The following MAN2A1 variants were observed in gnomAD, a reference collection of about 807,000 sequenced individuals.
The protein encoded by MAN2A1 is mannosidase alpha class 2A member 1, also known as alpha-mannosidase 2.
A neutral mutation model predicts 142.6 loss-of-function variants in MAN2A1; 76 were observed. The observed-to-expected ratio is 0.53, with a 90% CI of 0.44 to 0.65. The LOEUF (loss-of-function observed/expected upper bound fraction) is 0.65. Among genes scored for constraint, MAN2A1 ranks in the 30% least tolerant of loss-of-function variants. The pLI is 0.00. For synonymous variants in MAN2A1, 559 were observed against 473.2 expected (o/e 1.18, Z -2.35); for missense variants, 1,311 against 1,365.1 (o/e 0.96, Z 0.62).
chr5:109,690,885 C>A (rs539073382), intron 1 of MAN2A1, among the ~76,000 whole-genome samples: 5 of 152,070 alleles, frequency 3.3e-5, no homozygotes, highest in Non-Finnish European at 7.4e-5. Context: ...AGGCACCCCC[C>A]GCCAGCCCGG....
At chr5:109,701,454 G>C (rs557742635) in intron 1 of MAN2A1, among the ~76,000 whole-genome samples, 1 of 152,278 alleles carries the variant, frequency 6.6e-6, no homozygotes, top group South Asian at 2.1e-4. Context: ...GAGTTTGTCT[G>C]AAGAGTTATG....
intron 12 of MAN2A1, among the ~76,000 whole-genome samples, chr5:109,814,601 A>C (rs1490800471): frequency 1.3e-5 from 2 of 152,224 alleles, no homozygotes; most frequent in African/African-American, 4.8e-5. Context: ...GTCTTTGAAT[A>C]GATTCCTGGC....
At chr5:109,842,305 C>CAT in intron 16 of MAN2A1, 23 bp from the exon 17 acceptor site, 1 of 1,441,252 alleles carries the variant, frequency 6.9e-7, no homozygotes, top group South Asian at 1.3e-5. Context: ...TCTATTAATC[C>CAT]ATATATATTT....
chr5:109,794,303 A>G (rs529852766), intron 12 of MAN2A1: 2 of 152,256 alleles, frequency 1.3e-5, no homozygotes, highest in Non-Finnish European at 2.9e-5. Flanking sequence ...TGTGGAGGAG[A>G]TGGAAGTGTT....
intron 14 of MAN2A1, among the ~76,000 whole-genome samples, 164 bp downstream of exon 14, chr5:109,820,051 T>C (rs1406884946): frequency 1.3e-5 from 2 of 152,250 alleles, no homozygotes; most frequent in Admixed American, 6.5e-5. Flanking sequence ...GACCACTTGC[T>C]GCTCACATGT....
At chr5:109,828,091 C>A (rs1189987724) in intron 16 of MAN2A1, among the ~76,000 whole-genome samples, 1 of 144,102 alleles carries the variant, frequency 6.9e-6, no homozygotes, top group Middle Eastern at 3.3e-3. Context: ...GGCAACAGAG[C>A]GAGACTCTGT....
intron 8 of MAN2A1, among the ~76,000 whole-genome samples, chr5:109,778,632 T>C (rs1753361382): frequency 6.6e-6 from 1 of 152,098 alleles, no homozygotes; most frequent in Admixed American, 6.5e-5. Flanking sequence ...ATTGAACCAG[T>C]ACCCCAAGAT....
At chr5:109,730,101 G>A (rs1325252311) in intron 4 of MAN2A1, among the ~76,000 whole-genome samples, 1 of 152,088 alleles carries the variant, frequency 6.6e-6, no homozygotes. Flanking sequence ...AGTGACACCT[G>A]TATAGTTTGT....
intron 12 of MAN2A1, among the ~76,000 whole-genome samples, chr5:109,811,239 T>A (rs1754308667): frequency 6.6e-6 from 1 of 152,098 alleles, no homozygotes; most frequent in African/African-American, 2.4e-5. Flanking sequence ...TAACCATTTG[T>A]CTTGCTCATC....
rs138597899 is a variant in MAN2A1 at position 109,755,956 on chromosome 5, G to A, written c.835+500G>A. Reference sequence around the variant, plus strand: ...TCACAAGGTGAGTAAGATGGCTCTAGGCAGCCGAGACTAATTTTTCCAACC... The same window carrying A: ...TCACAAGGTGAGTAAGATGGCTCTAAGCAGCCGAGACTAATTTTTCCAACC... On this transcript the variant is annotated intron_variant, in intron 5 of 21. Transcript: ENST00000261483. 1.7e-3 allele frequency among the ~76,000 whole-genome samples: 263 copies of A among 151,964 alleles called. 1 individual carries two copies. The highest frequency in any genetic ancestry group is 4.0e-3 in the South Asian group (19 of 4,788).
At chr5:109,825,969 C>T (rs1162300989) in intron 16 of MAN2A1, among the ~76,000 whole-genome samples, 1 of 127,178 alleles carries the variant, frequency 7.9e-6, no homozygotes, top group African/African-American at 3.0e-5. Context: ...TGCAGTGGAG[C>T]GATCTCGGCT....
intron 12 of MAN2A1, among the ~76,000 whole-genome samples, chr5:109,794,596 T>C (rs1561515683): frequency 6.6e-6 from 1 of 152,160 alleles, no homozygotes; most frequent in Non-Finnish European, 1.5e-5. Flanking sequence ...GCTGAGATAT[T>C]TTTACCTTTT....
In MAN2A1 at chr5:109,846,340, G is replaced by A. The variant is rs186623036; in HGVS notation, c.2842+334G>A. Among the ~76,000 whole-genome samples the A allele has an allele frequency of 2.1e-4, 32 of 152,288 alleles. No individual in the cohort carries two copies. The East Asian group carries it at 6.0e-3, about 28-fold the overall frequency. ...ACGGATGTGGAAACTCAGATTCAGA[G>A]GTTTAGATAAGTTGCCTACGTTTGC... On this transcript the variant is annotated intron_variant, in intron 18 of 21. Transcript: ENST00000261483.
At chr5:109,776,495 A>C (rs1753296450) in intron 8 of MAN2A1, among the ~76,000 whole-genome samples, 1 of 152,040 alleles carries the variant, frequency 6.6e-6, no homozygotes, top group Non-Finnish European at 1.5e-5. Context: ...CTAGGAAGTG[A>C]TTTTGGTTCA....
intron 12 of MAN2A1, among the ~76,000 whole-genome samples, chr5:109,801,802 T>C (rs1210454802): frequency 6.6e-6 from 1 of 152,166 alleles, no homozygotes; most frequent in Non-Finnish European, 1.5e-5. Flanking sequence ...CTGAAAAATT[T>C]TCTACATATT....
intron 7 of MAN2A1, among the ~76,000 whole-genome samples, chr5:109,771,344 C>T (rs928657585): frequency 1.3e-5 from 2 of 151,782 alleles, no homozygotes; most frequent in African/African-American, 2.4e-5. Context: ...AGTTTATTTT[C>T]AAAAGAGAAG....
chr5:109,700,874 T>A (rs1750960696), intron 1 of MAN2A1, among the ~76,000 whole-genome samples: 1 of 152,234 alleles, frequency 6.6e-6, no homozygotes, highest in Non-Finnish European at 1.5e-5. Context: ...CTGGGTTAGG[T>A]AATATGGAAA....
Position 109,817,313 on chromosome 5 carries a change from T to A in MAN2A1, c.1984T>A (p.Ser662Thr), listed in dbSNP as rs781557212. ...TAATCCTTTAGAACAAGACCGAATC[T>A]CGTTGGTCTCAGTCTATGTGAGTTC... The part of the protein sequence containing the change: ...VYNPLEQDRI[S>T]LVSVYVSSPT... The change falls in exon 13 of 22, where the codon TCG becomes ACG. Residue 662 changes from serine (S) to threonine (T), a missense_variant. Ser to Thr is a moderately conservative substitution (Grantham distance 58). Coordinates refer to ENST00000261483, the MANE Select transcript of MAN2A1 (RefSeq NM_002372.4). 5.0e-6 allele frequency: 8 copies of A among 1,614,046 alleles called. No homozygotes were observed. The highest frequency in any genetic ancestry group is 6.8e-6 in the Non-Finnish European group (8 of 1,180,002).
chr5:109,789,123 G>A (rs73785030), intron 11 of MAN2A1, 75 bp downstream of exon 11: 43,234 of 742,080 alleles, frequency 0.058, 1,481 homozygotes, highest in African/African-American at 0.1. Context: ...AGGATGAGAA[G>A]CTTAATGAAA....
Sources: allele counts gnomAD v4.1 joint callset (sites outside exome capture counted in the v4.1 genomes callset), GRCh38; gene constraint gnomAD v4.1.1; transcripts MANE v1.5; gene names NCBI Gene and HGNC (gene_info 2026-07-23, HGNC 2026-07-21).